Variants in GIGYF2 observed in about 807,000 individuals in gnomAD.
GIGYF2 encodes GRB10 interacting GYF protein 2.
In GIGYF2, 25 loss-of-function variants were observed where a neutral mutation model predicts 208.1. That is an observed-to-expected ratio of 0.12 (90% CI 0.09 to 0.17). GIGYF2 has a LOEUF of 0.17. Among genes scored for constraint, GIGYF2 ranks in the 10% least tolerant of loss-of-function variants. The pLI, the probability that GIGYF2 is intolerant of heterozygous loss-of-function variation, is 1.00. For missense variants in GIGYF2, 1,302 were observed against 1,579.4 expected, an observed-to-expected ratio of 0.82 and a Z score of 2.98; for synonymous variants, 534 against 543.8, an observed-to-expected ratio of 0.98 and a Z score of 0.25.
At chr2:232,841,990 G>A (rs1453341614) in intron 23 of GIGYF2, among the ~76,000 whole-genome samples, 1 of 151,964 alleles carries the variant, frequency 6.6e-6, no homozygotes, top group Non-Finnish European at 1.5e-5. Flanking sequence ...GTGCCACCAT[G>A]CCTGGCTAAT....
At chr2:232,716,674 C>T (rs1361788279) in intron 2 of GIGYF2, among the ~76,000 whole-genome samples, 2 of 151,972 alleles carry the variant, frequency 1.3e-5, no homozygotes, top group African/African-American at 2.4e-5. Context: ...TGAGCCACTG[C>T]GCCTGGCCAG....
At chr2:232,810,717 A>ATT (rs1234239513) in intron 16 of GIGYF2, 6 of 179,584 alleles carry the variant, frequency 3.3e-5, no homozygotes, top group African/African-American at 1.4e-4. Flanking sequence ...TATGAGCTGC[A>ATT]TAGATGAAAC....
intron 8 of GIGYF2, among the ~76,000 whole-genome samples, chr2:232,783,373 TTTTG>T (rs1054499135): frequency 1.3e-5 from 2 of 152,154 alleles, no homozygotes; most frequent in African/African-American, 4.8e-5. Context: ...ATTTTTCTTA[TTTTG>T]TTTATTTATT....
rs758701002 is a variant in GIGYF2 at position 232,794,816 on chromosome 2, C to T, written c.1351C>T (p.Leu451Phe). The T allele has an allele frequency of 1.9e-6, 3 of 1,613,830 alleles. No homozygotes were observed. Among genetic ancestry groups the T allele is most frequent in the South Asian group, 1.1e-5 (1 of 91,072 alleles). Residue 451 changes from leucine to phenylalanine, a missense_variant, in exon 13 of 29, where the codon CTT (leucine) becomes TTT (phenylalanine). Physicochemically the swap from Leu to Phe is conservative, Grantham distance 22 (BLOSUM62 0). Coordinates refer to ENST00000373563, the MANE Select transcript of GIGYF2 (RefSeq NM_001103146.3). Reference protein sequence around the residue: ...PSDTASPLLILPPPVPNPSPT... With the variant: ...PSDTASPLLIFPPPVPNPSPT... ...AGATACAGCCTCTCCTCTTCTCATA[C>T]TTCCACCTCCTGTTCCCAATCCTAG...
chr2:232,836,315 T>TATATATATATATAG, intron 22 of GIGYF2, among the ~76,000 whole-genome samples: 1 of 19,910 alleles, frequency 5.0e-5, no homozygotes, highest in South Asian at 1.2e-3. Flanking sequence ...TATATATATA[T>TATATATATATATAG]ATATATATAT....
At chr2:232,714,801 T>C (rs1039554417) in intron 2 of GIGYF2, among the ~76,000 whole-genome samples, 2 of 151,990 alleles carry the variant, frequency 1.3e-5, no homozygotes, top group African/African-American at 2.4e-5. Context: ...TTTTTTTTTT[T>C]CCTATTTTAA....
chr2:232,793,678 T>C (rs531828045), intron 12 of GIGYF2, among the ~76,000 whole-genome samples: 6 of 152,172 alleles, frequency 3.9e-5, no homozygotes, highest in African/African-American at 9.6e-5. Flanking sequence ...ATTGAAAAGA[T>C]TGCATATACT....
intron 8 of GIGYF2, among the ~76,000 whole-genome samples, chr2:232,763,021 CA>C (rs560897580): frequency 2.0e-5 from 3 of 146,698 alleles, no homozygotes; most frequent in Admixed American, 6.8e-5. Flanking sequence ...GAGACCCTGT[CA>C]AAAAAAAAAT....
At chr2:232,733,369 A>C (rs1207855779) in intron 2 of GIGYF2, among the ~76,000 whole-genome samples, 1 of 152,156 alleles carries the variant, frequency 6.6e-6, no homozygotes, top group East Asian at 1.9e-4. Context: ...AAGTAAGAAC[A>C]GGATAATCTC....
chr2:232,801,339 G>C (rs760122709), intron 14 of GIGYF2, among the ~76,000 whole-genome samples: 2 of 152,030 alleles, frequency 1.3e-5, no homozygotes, highest in Non-Finnish European at 2.9e-5. Context: ...GACCAGCCTG[G>C]GCAACACAGT....
intron 22 of GIGYF2, among the ~76,000 whole-genome samples, chr2:232,835,593 C>G (rs1701560509): frequency 6.6e-6 from 1 of 152,096 alleles, no homozygotes; most frequent in Non-Finnish European, 1.5e-5. Context: ...CTGGGTATCT[C>G]CACCCGCCCT....
At chr2:232,730,270 G>C (rs1467595154) in intron 2 of GIGYF2, 41 of 726,352 alleles carry the variant, frequency 5.6e-5, no homozygotes, top group Non-Finnish European at 7.5e-5. Flanking sequence ...TGCTGAAAGA[G>C]GAAAAAAATA....
At chr2:232,853,003 C>T (rs1690418913) in intron 28 of GIGYF2, among the ~76,000 whole-genome samples, 1 of 152,142 alleles carries the variant, frequency 6.6e-6, no homozygotes. Context: ...GGAAGAAAAA[C>T]AAACGTTGAA....
chr2:232,726,368 CAAA>C (rs1295867270), intron 2 of GIGYF2, among the ~76,000 whole-genome samples: 2 of 89,184 alleles, frequency 2.2e-5, no homozygotes, highest in Admixed American at 1.3e-4. Context: ...GGCTCTGTCT[CAAA>C]AAAAAAAAAA....
chr2:232,787,115 G>T (rs1699939049), intron 8 of GIGYF2, 35 bp from the exon 9 acceptor site: 1 of 1,503,720 alleles, frequency 6.7e-7, no homozygotes, highest in East Asian at 2.3e-5. Context: ...ACTGGCAGAG[G>T]CTCATGTTTA....
rs777864155 is a variant in GIGYF2 at position 232,844,265 on chromosome 2, TTTTCC to T, written c.3099+12_3099+16del. On this transcript the variant is annotated intron_variant, in intron 24 of 28. Coordinates refer to ENST00000373563, the MANE Select transcript of GIGYF2 (RefSeq NM_001103146.3). ...AGCTCGTAACAATACGGTGTGTGCATTTTCCTAAGCTGTCGTTGTATGGACTAGTA... is the reference window on the plus strand; with the variant it reads ...AGCTCGTAACAATACGGTGTGTGCATTAAGCTGTCGTTGTATGGACTAGTA... 285 of 1,595,392 alleles carry T rather than the reference TTTTCC, an allele frequency of 1.8e-4. No homozygotes were observed. Among genetic ancestry groups the T allele is most frequent in the Non-Finnish European group, 2.4e-4 (279 of 1,169,818 alleles).
intron 20 of GIGYF2, among the ~76,000 whole-genome samples, chr2:232,819,313 T>C (rs1701006366): frequency 6.6e-6 from 1 of 152,232 alleles, no homozygotes; most frequent in South Asian, 2.1e-4. Context: ...GGGACTTCTT[T>C]CTGTGTAATA....
chr2:232,820,472 G>A lies in GIGYF2; in HGVS notation c.2529+487G>A, dbSNP rs185930636. ...TGGGACTACAGGCGCCTACCACCAT[G>A]CCTGGCTAATTTTTTGTATTTTTAG... On this transcript the variant is annotated intron_variant, in intron 21 of 28. Transcript: ENST00000373563. Among the ~76,000 whole-genome samples the A allele has an allele frequency of 5.9e-3, 903 of 151,900 alleles. 3 individuals carry two copies. Among genetic ancestry groups the A allele is most frequent in the African/African-American group, 0.02 (828 of 41,438 alleles).
chr2:232,719,710 A>T (rs1696853151), intron 2 of GIGYF2, among the ~76,000 whole-genome samples: 1 of 152,344 alleles, frequency 6.6e-6, no homozygotes, highest in South Asian at 2.1e-4. Context: ...GTGAGGTCTA[A>T]ATTTAGCTCA....
Sources: gnomAD v4.1 joint callset for allele counts (sites outside exome capture counted in the v4.1 genomes callset) on GRCh38, gnomAD v4.1.1 for gene constraint, MANE v1.5 for transcripts, NCBI Gene and HGNC (gene_info 2026-07-23, HGNC 2026-07-21) for gene names.